The following RAPH1 variants were observed in gnomAD, a reference collection of about 807,000 sequenced individuals.
RAPH1 encodes the protein ras-associated and pleckstrin homology domains-containing protein 1.
In RAPH1, 18 loss-of-function variants were observed where a neutral mutation model predicts 88.1. The ratio of observed to expected loss-of-function variants is 0.20; its 90% CI spans 0.14 to 0.30. RAPH1 has a LOEUF of 0.30. RAPH1 is among the 10% of genes least tolerant of loss of function. The probability of loss-of-function intolerance (pLI) is 1.00; values close to 1 mark genes in which losing one functional copy is unlikely to be tolerated. For missense variants in RAPH1, 1,448 were observed against 1,543.2 expected, an observed-to-expected ratio of 0.94 and a Z score of 1.03; for synonymous variants, 587 against 559.0, an observed-to-expected ratio of 1.05 and a Z score of -0.71.
intron 4 of RAPH1, among the ~76,000 whole-genome samples, chr2:203,465,483 A>G (rs1010067884): frequency 6.6e-5 from 10 of 152,234 alleles, no homozygotes; most frequent in South Asian, 4.1e-4. Flanking sequence ...AGGGGTTAAG[A>G]AGGAGGAATG....
At position 203,448,616 on chromosome 2, in the gene RAPH1, GA is replaced by G; in HGVS notation, c.1512+121del. On this transcript the variant is annotated intron_variant, in intron 11 of 13. Transcript: ENST00000319170. This position sits in a 1 kb window ranked among gnomAD's most constrained non-coding sequence, Gnocchi z 4.1. Reference sequence around the variant, plus strand: ...CATTTAAAACTTGAAACTTAGGCCTGAAAAACGTAGGCACTGGCAAATCCAT... The same window carrying G: ...CATTTAAAACTTGAAACTTAGGCCTGAAAACGTAGGCACTGGCAAATCCAT... The G allele has an allele frequency of 1.8e-6, 1 of 564,260 alleles. No individual in the cohort carries two copies. The highest frequency in any genetic ancestry group is 3.0e-6 in the Non-Finnish European group (1 of 333,876). The allele number at this position is 564,260 out of a possible 1,614,324, so 35.0% of individuals were successfully genotyped here. A position where few individuals can be genotyped will look rare whatever the true frequency, so the allele number is the denominator to read the frequency against.
intron 13 of RAPH1, 140 bp from the exon 14 acceptor site, chr2:203,441,553 T>A (rs2098504166): frequency 2.2e-6 from 3 of 1,378,096 alleles, no homozygotes; most frequent in Non-Finnish European, 2.8e-6. Context: ...TTGGTGGTGA[T>A]CATAAAGATG....
In RAPH1 at chr2:203,503,130, C is replaced by T. The variant is rs556299750; in HGVS notation, c.1-7777G>A. Among the ~76,000 whole-genome samples, 23 of 152,014 alleles carry T rather than the reference C, an allele frequency of 1.5e-4. No individual in the cohort carries two copies. In the East Asian group the frequency reaches 1.5e-3, roughly 10 times the overall value. On this transcript the variant is annotated intron_variant, in intron 1 of 13. Transcript: ENST00000319170. Reference sequence around the variant, plus strand: ...TTGCATTCCAGGCTGGGTGACAGAGCGAGACTCTGTCTCAAAAACAAACAA... The same window carrying T: ...TTGCATTCCAGGCTGGGTGACAGAGTGAGACTCTGTCTCAAAAACAAACAA...
chr2:203,517,227 T>C (rs374048094), intron 1 of RAPH1, among the ~76,000 whole-genome samples: 6 of 151,426 alleles, frequency 4.0e-5, no homozygotes, highest in Admixed American at 6.6e-5. Context: ...AATTTCACAG[T>C]GGACTTTAAA....
At position 203,441,105 on chromosome 2, in the gene RAPH1, C is replaced by T. The variant is rs550619714; in HGVS notation, c.2085G>A (p.Gln695=). The change falls in exon 14 of 14, where the codon CAG becomes CAA. Residue 695 remains glutamine (Q), a synonymous_variant. Transcript: ENST00000319170. ...KPPTPPVMQS[Q]SVKPQILVPP... ...GTACCAGGATCTGAGGCTTCACTGA[C>T]TGTGACTGCATCACTGGGGGTGTTG... 1.9e-6 allele frequency: 3 copies of T among 1,609,248 alleles called. No homozygotes were observed. In the East Asian group the frequency reaches 6.7e-5, roughly 36 times the overall value.
At chr2:203,453,793 AT>A (rs970274114) in intron 10 of RAPH1, among the ~76,000 whole-genome samples, 2 of 152,084 alleles carry the variant, frequency 1.3e-5, no homozygotes, top group Admixed American at 6.5e-5. Context: ...ATTTTCTTGA[AT>A]TTTTGTATGT....
At chr2:203,444,682 A>T in intron 13 of RAPH1, 186 bp downstream of exon 13, 2 of 455,938 alleles carry the variant, frequency 4.4e-6, no homozygotes, top group Non-Finnish European at 7.6e-6. Flanking sequence ...CTCATTTCCA[A>T]GGGGAAGTCA....
In RAPH1 at chr2:203,516,402, C is replaced by T. The variant is rs565613491; in HGVS notation, c.-1+18709G>A. Among the ~76,000 whole-genome samples the T allele has an allele frequency of 2.2e-4, 33 of 152,232 alleles. No individual in the cohort carries two copies. In the Middle Eastern group the frequency reaches 0.031, roughly 141 times the overall value. On this transcript the variant is annotated intron_variant, in intron 1 of 13. Coordinates refer to ENST00000319170, the MANE Select transcript of RAPH1 (RefSeq NM_213589.3). ...GTAATAAATATGGCAGATATTAATC[C>T]AATTATATTAATAACCACTGTGAAC...
intron 2 of RAPH1, among the ~76,000 whole-genome samples, chr2:203,493,739 G>A (rs145048477): frequency 3.3e-5 from 5 of 152,056 alleles, no homozygotes; most frequent in African/African-American, 7.2e-5. Context: ...TTGAGAGGCC[G>A]AGGCAGGTGG....
intron 13 of RAPH1, chr2:203,442,357 G>A (rs2098505016): frequency 6.9e-6 from 2 of 288,270 alleles, no homozygotes; most frequent in Admixed American, 5.3e-5. Flanking sequence ...AAAAACTTTA[G>A]GTACATCTTT....
intron 1 of RAPH1, among the ~76,000 whole-genome samples, chr2:203,531,639 C>G (rs1300359367): frequency 6.6e-6 from 1 of 152,118 alleles, no homozygotes; most frequent in Non-Finnish European, 1.5e-5. Flanking sequence ...CTCAACATCC[C>G]TAATCATTAG....
chr2:203,474,296 A>G (rs1357816871), intron 4 of RAPH1, among the ~76,000 whole-genome samples: 1 of 152,148 alleles, frequency 6.6e-6, no homozygotes, highest in African/African-American at 2.4e-5. Flanking sequence ...AGTTACTGGT[A>G]TTTATTGGGA....
chr2:203,459,768 G>C (rs565338137), intron 7 of RAPH1, 139 bp downstream of exon 7: 1 of 835,294 alleles, frequency 1.2e-6, no homozygotes, highest in Non-Finnish European at 1.9e-6. Context: ...AGCAGTAGTA[G>C]ATGATGCTCC....
intron 9 of RAPH1, among the ~76,000 whole-genome samples, chr2:203,454,912 T>C (rs2098518017): frequency 6.6e-6 from 1 of 152,152 alleles, no homozygotes; most frequent in African/African-American, 2.4e-5. Flanking sequence ...ATGTAAAGTA[T>C]AGTGATTCGC....
At chr2:203,466,103 T>A (rs1392929630) in intron 4 of RAPH1, among the ~76,000 whole-genome samples, 1 of 152,202 alleles carries the variant, frequency 6.6e-6, no homozygotes, top group Non-Finnish European at 1.5e-5. Context: ...TAAAACTGTA[T>A]GAAATTAAGA....
intron 10 of RAPH1, among the ~76,000 whole-genome samples, chr2:203,450,912 T>A (rs1454392593): frequency 1.3e-5 from 2 of 151,858 alleles, no homozygotes; most frequent in African/African-American, 2.4e-5. Flanking sequence ...TTTTTTTTTT[T>A]AATCAAAACA....
At chr2:203,494,465 T>C (rs933415802) in intron 2 of RAPH1, among the ~76,000 whole-genome samples, 1 of 152,116 alleles carries the variant, frequency 6.6e-6, no homozygotes, top group African/African-American at 2.4e-5. Flanking sequence ...TGTTTTAAAA[T>C]GCAGCCCAGA....
At chr2:203,455,364 G>A in intron 9 of RAPH1, 73 bp downstream of exon 9, 4 of 1,399,782 alleles carry the variant, frequency 2.9e-6, no homozygotes, top group Non-Finnish European at 3.9e-6. Context: ...GGTTCACCTT[G>A]TCAGCATACT....
intron 1 of RAPH1, among the ~76,000 whole-genome samples, chr2:203,509,100 T>A (rs2105916413): frequency 7.4e-6 from 1 of 135,522 alleles, no homozygotes; most frequent in South Asian, 2.4e-4. Flanking sequence ...TAAGAGAGAG[T>A]CGCTCTGTCA....
Sources: allele counts gnomAD v4.1 joint callset (sites outside exome capture counted in the v4.1 genomes callset), GRCh38; gene constraint gnomAD v4.1.1; non-coding constraint Gnocchi (gnomAD v3.1); transcripts MANE v1.5; gene names NCBI Gene and HGNC (gene_info 2026-07-23, HGNC 2026-07-21).